Variants in COL25A1 observed in about 807,000 individuals in gnomAD.
COL25A1 encodes collagen type XXV alpha 1 chain, also known as collagen alpha-1(XXV) chain.
COL25A1 carries 103 observed loss-of-function variants against 128.4 expected under a neutral mutation model. The observed-to-expected ratio is 0.80, with a 90% CI of 0.68 to 0.94. COL25A1 has a LOEUF of 0.94. Among genes scored for constraint, COL25A1 ranks in the 40% least tolerant of loss-of-function variants. COL25A1 has a pLI of 0.00. For synonymous variants in COL25A1, 279 were observed against 277.2 expected (o/e 1.01, Z -0.06); for missense variants, 745 against 840.0 (o/e 0.89, Z 1.40).
rs1233130558 is a variant in COL25A1 at position 108,812,183 on chromosome 4, T to TTTGA, written c.*1740_*1743dup. 1.3e-5 allele frequency: 2 copies of TTTGA among 152,172 alleles called. No homozygotes were observed. The highest frequency in any genetic ancestry group is 2.9e-5 in the Non-Finnish European group (2 of 68,008). The allele number at this position is 152,172 out of a possible 1,614,324, so 9.4% of individuals were successfully genotyped here. A position where few individuals can be genotyped will look rare whatever the true frequency, so the allele number is the denominator to read the frequency against. ...TTCCATCTAATATGGTTAGGTAAAG[T>TTTGA]TTGAGCAAGTAGATGAAAAATATTT... On this transcript the variant is annotated 3_prime_UTR_variant, in exon 38 of 38. Coordinates refer to ENST00000399132, the MANE Select transcript of COL25A1 (RefSeq NM_198721.4).
chr4:109,189,365 T>C (rs1370532387), intron 3 of COL25A1, among the ~76,000 whole-genome samples: 1 of 151,924 alleles, frequency 6.6e-6, no homozygotes, highest in Non-Finnish European at 1.5e-5. Context: ...CTGGCCAACA[T>C]GGTGAAACCC....
At chr4:108,859,265 G>C (rs181173645) in intron 24 of COL25A1, among the ~76,000 whole-genome samples, 18 of 152,168 alleles carry the variant, frequency 1.2e-4, no homozygotes, top group African/African-American at 4.3e-4. Context: ...ACTTGCCCTA[G>C]GTCACACATT....
intron 3 of COL25A1, among the ~76,000 whole-genome samples, chr4:109,089,345 C>A (rs1764701654): frequency 6.6e-6 from 1 of 152,166 alleles, no homozygotes; most frequent in Non-Finnish European, 1.5e-5. Flanking sequence ...AGAATGCCCA[C>A]CTCATAGGAC....
At chr4:109,061,724 T>C (rs561279551) in intron 3 of COL25A1, among the ~76,000 whole-genome samples, 4 of 152,332 alleles carry the variant, frequency 2.6e-5, no homozygotes, top group African/African-American at 9.6e-5. Flanking sequence ...CTGAGTTTCA[T>C]TGCCTCCTTC....
chr4:109,048,027 T>C (rs3096481), intron 5 of COL25A1, 141 bp downstream of exon 5: 365,617 of 912,268 alleles, frequency 0.4, 80,032 homozygotes, highest in African/African-American at 0.7. Context: ...CCACCGCGAC[T>C]GACCACTTTA....
intron 3 of COL25A1, among the ~76,000 whole-genome samples, chr4:109,123,661 G>T (rs1456890046): frequency 1.3e-5 from 2 of 151,886 alleles, no homozygotes; most frequent in Admixed American, 6.6e-5. Context: ...CAATTACAAA[G>T]AAATAATATT....
At chr4:109,294,301 TTTG>T (rs1337316715) in intron 3 of COL25A1, among the ~76,000 whole-genome samples, 1 of 152,128 alleles carries the variant, frequency 6.6e-6, no homozygotes, top group Admixed American at 6.6e-5. Flanking sequence ...AGAATAGTCA[TTTG>T]GAGGAATATA....
chr4:108,908,941 G>A (rs149769374), intron 13 of COL25A1, among the ~76,000 whole-genome samples: 14 of 152,184 alleles, frequency 9.2e-5, no homozygotes, highest in Admixed American at 3.3e-4. Flanking sequence ...GGGGCCATCC[G>A]GTTAGACATG....
intron 8 of COL25A1, among the ~76,000 whole-genome samples, chr4:108,947,437 C>G (rs971006028): frequency 6.9e-5 from 10 of 145,750 alleles, no homozygotes. Flanking sequence ...AATGAAACTC[C>G]GTCTCAAAAA....
intron 6 of COL25A1, among the ~76,000 whole-genome samples, chr4:109,009,932 A>G (rs1579070310): frequency 6.6e-6 from 1 of 152,342 alleles, no homozygotes; most frequent in Admixed American, 6.5e-5. Context: ...TAAAAATTCA[A>G]TATCTGTCTA....
chr4:109,122,841 T>C (rs761301262), intron 3 of COL25A1, among the ~76,000 whole-genome samples: 11 of 152,034 alleles, frequency 7.2e-5, no homozygotes, highest in Non-Finnish European at 1.3e-4. Flanking sequence ...TAGAGAAATA[T>C]ACTTATTGAG....
intron 3 of COL25A1, among the ~76,000 whole-genome samples, chr4:109,179,307 C>T (rs1449771540): frequency 6.6e-6 from 1 of 152,218 alleles, no homozygotes; most frequent in Admixed American, 6.5e-5. Context: ...CCCCACTGCA[C>T]CTGACACAAC....
Position 108,813,917 on chromosome 4 carries a change from G to T in COL25A1, c.*10C>A. On this transcript the variant is annotated 3_prime_UTR_variant, in exon 38 of 38. Transcript: ENST00000399132. ...ATATACACAACTTCATGCTTGAAAGGTTAGATTCATCACTGCAGAAAAAGA... is the reference window on the plus strand; with the variant it reads ...ATATACACAACTTCATGCTTGAAAGTTTAGATTCATCACTGCAGAAAAAGA... The T allele has an allele frequency of 6.3e-7, 1 of 1,592,080 alleles. No homozygotes were observed. Among genetic ancestry groups the T allele is most frequent in the Non-Finnish European group, 8.6e-7 (1 of 1,161,908 alleles).
chr4:108,823,045 A>G (rs1731963637), intron 35 of COL25A1, among the ~76,000 whole-genome samples: 1 of 152,166 alleles, frequency 6.6e-6, no homozygotes, highest in African/African-American at 2.4e-5. Context: ...GAGTCTAAGC[A>G]ATGCTTAAGG....
chr4:109,301,608 G>T, intron 2 of COL25A1, 115 bp downstream of exon 2: 1 of 1,176,740 alleles, frequency 8.5e-7, no homozygotes, highest in Non-Finnish European at 1.2e-6. Context: ...GCACGCGCGC[G>T]CACACACACA....
At chr4:109,151,959 G>A (rs374234979) in intron 3 of COL25A1, among the ~76,000 whole-genome samples, 1 of 152,128 alleles carries the variant, frequency 6.6e-6, no homozygotes, top group East Asian at 1.9e-4. Context: ...TTAATTGGAT[G>A]CCTGACTGGA....
At chr4:109,136,341 G>C in intron 3 of COL25A1, among the ~76,000 whole-genome samples, 1 of 152,202 alleles carries the variant, frequency 6.6e-6, no homozygotes, top group East Asian at 1.9e-4. Context: ...GGAGGTTGCA[G>C]TGAGCCGAGA....
chr4:108,988,842 G>T (rs559988850), intron 6 of COL25A1, among the ~76,000 whole-genome samples: 1 of 152,254 alleles, frequency 6.6e-6, no homozygotes, highest in African/African-American at 2.4e-5. Flanking sequence ...TTCGACTAAT[G>T]GGGCTTTCTC....
chr4:108,974,436 A>G, intron 7 of COL25A1, 43 bp from the exon 8 acceptor site: 1 of 1,612,048 alleles, frequency 6.2e-7, no homozygotes, highest in Non-Finnish European at 8.5e-7. Flanking sequence ...GCCAAAATTT[A>G]TACATGATGT....
Sources: gnomAD v4.1 joint callset for allele counts (sites outside exome capture counted in the v4.1 genomes callset) on GRCh38, gnomAD v4.1.1 for gene constraint, MANE v1.5 for transcripts, NCBI Gene and HGNC (gene_info 2026-07-23, HGNC 2026-07-21) for gene names.